ANO3: variants seen among roughly 807,000 people sequenced by gnomAD.
The protein encoded by ANO3 is anoctamin-3.
In ANO3, 99 loss-of-function variants were observed where a neutral mutation model predicts 144.8. That is an observed-to-expected ratio of 0.68 (90% CI 0.58 to 0.81). The LOEUF (loss-of-function observed/expected upper bound fraction) is 0.81, where lower values mean the gene tolerates loss of function less well. Among genes scored for constraint, ANO3 ranks in the 30% least tolerant of loss-of-function variants. The pLI is 0.00. For missense variants in ANO3, 905 were observed against 1,202.2 expected, an observed-to-expected ratio of 0.75 and a Z score of 3.66; for synonymous variants, 414 against 392.6, an observed-to-expected ratio of 1.05 and a Z score of -0.64.
At chr11:26,195,052 T>C (rs1244842234) in intron 1 of ANO3, among the ~76,000 whole-genome samples, 1 of 152,210 alleles carries the variant, frequency 6.6e-6, no homozygotes, top group Non-Finnish European at 1.5e-5. Flanking sequence ...CCTATAGATG[T>C]CTGTGGGCAT....
At chr11:26,405,701 A>G (rs1420599146) in intron 1 of ANO3, among the ~76,000 whole-genome samples, 2 of 151,924 alleles carry the variant, frequency 1.3e-5, no homozygotes, top group African/African-American at 4.8e-5. Context: ...ACTTTCTCTT[A>G]CTATCATTTT....
At chr11:26,583,066 A>G (rs1851176974) in intron 14 of ANO3, among the ~76,000 whole-genome samples, 1 of 152,224 alleles carries the variant, frequency 6.6e-6, no homozygotes, top group Admixed American at 6.5e-5. Context: ...AATAAATGCT[A>G]CTGAAATGTC....
intron 1 of ANO3, among the ~76,000 whole-genome samples, chr11:26,273,862 A>G (rs2133838469): frequency 6.6e-6 from 1 of 152,322 alleles, no homozygotes; most frequent in South Asian, 2.1e-4. Context: ...GACATCTAGA[A>G]GGATGTAGAT....
chr11:26,564,774 TA>T, intron 14 of ANO3, among the ~76,000 whole-genome samples: 1 of 99,578 alleles, frequency 1.0e-5, no homozygotes, highest in Non-Finnish European at 2.2e-5. Flanking sequence ...TATATATATA[TA>T]TATATATATA....
intron 12 of ANO3, among the ~76,000 whole-genome samples, chr11:26,552,435 A>G (rs187952865): frequency 2.6e-4 from 40 of 152,160 alleles, no homozygotes; most frequent in Non-Finnish European, 5.4e-4. Flanking sequence ...ATTCCTTTCA[A>G]CATTTCTAGA....
At chr11:26,458,024 T>A (rs1859234021) in intron 3 of ANO3, among the ~76,000 whole-genome samples, 1 of 152,154 alleles carries the variant, frequency 6.6e-6, no homozygotes, top group African/African-American at 2.4e-5. Context: ...ATTTCAGAAA[T>A]GTTACAATAT....
chr11:26,293,991 C>T (rs1854027270), intron 1 of ANO3, among the ~76,000 whole-genome samples: 1 of 152,084 alleles, frequency 6.6e-6, no homozygotes. Context: ...TCTGATTGCA[C>T]TTCAATGGAA....
intron 3 of ANO3, among the ~76,000 whole-genome samples, chr11:26,449,069 G>C (rs1477810024): frequency 6.6e-6 from 1 of 152,144 alleles, no homozygotes; most frequent in African/African-American, 2.4e-5. Context: ...CTGGTATTCA[G>C]AGACCTCACA....
chr11:26,234,829 G>GCAGTCT (rs1182940716), intron 1 of ANO3, among the ~76,000 whole-genome samples: 1 of 105,682 alleles, frequency 9.5e-6, no homozygotes, highest in Non-Finnish European at 2.3e-5. Context: ...ACATGCTTAT[G>GCAGTCT]GAGTCTGCCT....
intron 11 of ANO3, among the ~76,000 whole-genome samples, chr11:26,544,275 C>CAT (rs1424177707): frequency 2.2e-5 from 1 of 45,240 alleles, no homozygotes; most frequent in East Asian, 1.4e-3. Context: ...TATATATATA[C>CAT]ACACATACAC....
chr11:26,238,126 G>A (rs1474048628), intron 1 of ANO3, among the ~76,000 whole-genome samples: 1 of 152,074 alleles, frequency 6.6e-6, no homozygotes, highest in Non-Finnish European at 1.5e-5. Flanking sequence ...TTGTGTGTGT[G>A]CATGGGCATG....
Position 26,321,341 on chromosome 11 carries a change from A to G in ANO3, c.-3+11622A>G, listed in dbSNP as rs573284629. On this transcript the variant is annotated intron_variant, in intron 1 of 26. Transcript: ENST00000525139. ...TGGATTTGCTGAGAGAATTGACAACAAACTAGAATTTATTTAACAGTGTTC... is the reference window on the plus strand; with the variant it reads ...TGGATTTGCTGAGAGAATTGACAACGAACTAGAATTTATTTAACAGTGTTC... 1.4e-3 allele frequency among the ~76,000 whole-genome samples: 214 copies of G among 152,156 alleles called. 1 individual carries two copies. Among genetic ancestry groups the G allele is most frequent in the African/African-American group, 4.9e-3 (204 of 41,552 alleles).
chr11:26,255,470 T>C (rs908512711), intron 1 of ANO3, among the ~76,000 whole-genome samples: 12 of 152,166 alleles, frequency 7.9e-5, no homozygotes, highest in African/African-American at 2.9e-4. Context: ...CATTTATTGC[T>C]TTACGTGAGA....
Position 26,660,265 on chromosome 11 carries a change from C to T in ANO3, c.2767C>T (p.Leu923Phe), listed in dbSNP as rs117562279. Residue 923 changes from leucine (L) to phenylalanine (F), a missense_variant, in exon 27 of 27, where the codon CTT becomes TTT. This residue lies in a region of ANO3 where 597 missense variants were observed against 865.1 expected (regional missense o/e 0.69). Transcript: ENST00000256737. ...CTTTTCACATTTAAATTTGCAGCAC[C>T]TTGTTTTTGGGATTAAGTCATTCAT... ...RLAFIIVFEH[L>F]VFGIKSFIAY... is the part of the protein sequence containing the mutation. 144 of 1,612,322 alleles carry T rather than the reference C, an allele frequency of 8.9e-5. No homozygotes were observed. Among genetic ancestry groups the T allele is most frequent in the Non-Finnish European group, 1.2e-4 (141 of 1,179,236 alleles).
intron 20 of ANO3, among the ~76,000 whole-genome samples, chr11:26,638,842 AT>A (rs1853052328): frequency 6.6e-6 from 1 of 152,212 alleles, no homozygotes; most frequent in African/African-American, 2.4e-5. Flanking sequence ...GATATATAAT[AT>A]TCCATAGCAT....
intron 1 of ANO3, among the ~76,000 whole-genome samples, chr11:26,234,201 C>T (rs955024677): frequency 1.2e-4 from 19 of 152,108 alleles, no homozygotes; most frequent in African/African-American, 4.1e-4. Flanking sequence ...GTAACCATTG[C>T]GTTTTCCTTC....
At chr11:26,262,835 C>G (rs781726571) in intron 1 of ANO3, among the ~76,000 whole-genome samples, 1 of 152,026 alleles carries the variant, frequency 6.6e-6, no homozygotes, top group African/African-American at 2.4e-5. Context: ...TCCATAAACA[C>G]TAGACAAGAG....
At chr11:26,491,122 A>G (rs1233342769) in intron 4 of ANO3, among the ~76,000 whole-genome samples, 6 of 152,186 alleles carry the variant, frequency 3.9e-5, no homozygotes, top group Non-Finnish European at 8.8e-5. Flanking sequence ...TCTCTGATAA[A>G]TGTATCTATT....
intron 4 of ANO3, among the ~76,000 whole-genome samples, chr11:26,483,306 T>A (rs529239306): frequency 6.6e-6 from 1 of 152,298 alleles, no homozygotes; most frequent in South Asian, 2.1e-4. Flanking sequence ...TGGTTTTAAT[T>A]TGCATTTTTC....
Sources: allele counts gnomAD v4.1 joint callset (sites outside exome capture counted in the v4.1 genomes callset), GRCh38; gene constraint gnomAD v4.1.1; regional missense constraint gnomAD v4.1.1; transcripts MANE v1.5; gene names NCBI Gene and HGNC (gene_info 2026-07-23, HGNC 2026-07-21).